Variants in GALNT14 observed in about 807,000 individuals in gnomAD.
GALNT14 encodes the protein polypeptide N-acetylgalactosaminyltransferase 14.
Under a neutral mutation model 77.5 loss-of-function variants are expected in GALNT14, and 60 were observed. The ratio of observed to expected loss-of-function variants is 0.77; its 90% confidence interval spans 0.63 to 0.96. The LOEUF is 0.96. Ranked by LOEUF, GALNT14 falls within the 40% of genes least tolerant of loss-of-function variation. The pLI, the probability that GALNT14 is intolerant of heterozygous loss-of-function variation, is 0.00. For missense variants in GALNT14, 710 were observed against 731.0 expected (o/e 0.97, Z 0.33); for synonymous variants, 280 against 281.7 (o/e 0.99, Z 0.06).
At chr2:31,012,614 G>A (rs1331377361) in intron 1 of GALNT14, among the ~76,000 whole-genome samples, 1 of 152,062 alleles carries the variant, frequency 6.6e-6, no homozygotes, top group Non-Finnish European at 1.5e-5. Context: ...GCTCAGACAT[G>A]GTGAAAAAAG....
chr2:30,899,600 T>C, the GALNT14 span, among the ~76,000 whole-genome samples: 5 of 152,006 alleles, frequency 3.3e-5, no homozygotes, highest in Non-Finnish European at 7.4e-5. Flanking sequence ...TCTTTCTTCC[T>C]TCATTATGTT....
chr2:31,071,541 A>G (rs759220282), intron 1 of GALNT14, among the ~76,000 whole-genome samples: 1 of 151,268 alleles, frequency 6.6e-6, no homozygotes, highest in African/African-American at 2.4e-5. Flanking sequence ...GCAGGGCTCC[A>G]CACAGCCAGA....
chr2:31,086,074 G>C (rs1430503945), intron 1 of GALNT14, among the ~76,000 whole-genome samples: 13 of 152,212 alleles, frequency 8.5e-5, no homozygotes, highest in Admixed American at 8.5e-4. Flanking sequence ...CCTATGACAT[G>C]TGGGGATTAT....
intron 1 of GALNT14, among the ~76,000 whole-genome samples, chr2:31,010,830 C>T (rs1670981761): frequency 6.6e-6 from 1 of 152,200 alleles, no homozygotes; most frequent in Non-Finnish European, 1.5e-5. Flanking sequence ...CATCTCATCC[C>T]ATCTCATAGG....
intron 2 of GALNT14, among the ~76,000 whole-genome samples, chr2:30,974,688 G>A (rs1668538881): frequency 1.3e-5 from 2 of 152,166 alleles, no homozygotes; most frequent in South Asian, 4.1e-4. Context: ...AGTCTCCCAA[G>A]GCTTTTCCAA....
the GALNT14 span, among the ~76,000 whole-genome samples, chr2:30,897,801 G>T: frequency 3.9e-5 from 6 of 152,180 alleles, no homozygotes; most frequent in Admixed American, 3.9e-4. Context: ...ACCAGCAGGG[G>T]ACACCATTCC....
intron 1 of GALNT14, among the ~76,000 whole-genome samples, chr2:31,059,876 T>C (rs1381863147): frequency 6.6e-6 from 1 of 152,202 alleles, no homozygotes; most frequent in Admixed American, 6.5e-5. Context: ...GAGCAGTACT[T>C]CTGCTGTTTA....
chr2:31,115,804 G>A (rs573430429), intron 1 of GALNT14, among the ~76,000 whole-genome samples: 48 of 152,322 alleles, frequency 3.2e-4, no homozygotes, highest in African/African-American at 1.1e-3. Context: ...CGCCTGTGAG[G>A]CAGGAGGATC....
chr2:30,908,274 C>T (rs1229761660), downstream of GALNT14, among the ~76,000 whole-genome samples: 1 of 152,112 alleles, frequency 6.6e-6, no homozygotes, highest in Non-Finnish European at 1.5e-5. Flanking sequence ...TCAAATTGTC[C>T]CTGTTTGCAG....
At chr2:30,888,912 C>G in the GALNT14 span, among the ~76,000 whole-genome samples, 1,114 of 152,038 alleles carry the variant, frequency 7.3e-3, 19 homozygotes, top group African/African-American at 0.025. Flanking sequence ...ATTGTCCCCC[C>G]CTCCACCCCC....
chr2:30,956,011 C>T, intron 4 of GALNT14, 34 bp from the exon 5 acceptor site: 1 of 1,609,614 alleles, frequency 6.2e-7, no homozygotes. Flanking sequence ...AATTGAGCGC[C>T]CAGGGATGGA....
chr2:30,950,920 G>T (rs1666987248), intron 6 of GALNT14, among the ~76,000 whole-genome samples: 1 of 152,182 alleles, frequency 6.6e-6, no homozygotes, highest in African/African-American at 2.4e-5. Flanking sequence ...TGGGACCACT[G>T]GGATGGAAAG....
intron 1 of GALNT14, among the ~76,000 whole-genome samples, chr2:31,002,573 T>A (rs1020108697): frequency 2.6e-5 from 4 of 152,128 alleles, no homozygotes; most frequent in Non-Finnish European, 4.4e-5. Flanking sequence ...AATACAAAAG[T>A]ATCTGCTTAC....
intron 2 of GALNT14, among the ~76,000 whole-genome samples, chr2:30,986,268 G>C (rs998290264): frequency 1.3e-5 from 2 of 152,224 alleles, no homozygotes; most frequent in Non-Finnish European, 2.9e-5. Context: ...TCCCCGGCTA[G>C]AGTTTCCAGC....
chr2:30,946,087 T>C (rs958778815), intron 6 of GALNT14, among the ~76,000 whole-genome samples: 1 of 152,152 alleles, frequency 6.6e-6, no homozygotes, highest in African/African-American at 2.4e-5. Context: ...AGGTTTTCCT[T>C]GACTGCTGGG....
At chr2:30,988,994 C>A (rs551558006) in intron 2 of GALNT14, among the ~76,000 whole-genome samples, 1 of 152,228 alleles carries the variant, frequency 6.6e-6, no homozygotes, top group East Asian at 1.9e-4. Flanking sequence ...TGTGGACTCA[C>A]GGGCCCCATC....
At chr2:31,034,392 T>G (rs1432159034) in intron 1 of GALNT14, among the ~76,000 whole-genome samples, 2 of 152,202 alleles carry the variant, frequency 1.3e-5, no homozygotes, top group Non-Finnish European at 2.9e-5. Context: ...AGGAGAAAGT[T>G]TCAATGTCTC....
chr2:30,993,136 A>G, intron 1 of GALNT14, 129 bp from the exon 2 acceptor site: 1 of 874,990 alleles, frequency 1.1e-6, no homozygotes, highest in Non-Finnish European at 1.8e-6. Flanking sequence ...ATGGGGTCAG[A>G]AGCAGAACAT....
chr2:30,942,162 T>C lies in GALNT14; in HGVS notation c.931+39A>G, dbSNP rs138015753. The C allele has an allele frequency of 1.0e-4, 153 of 1,457,156 alleles. 1 individual carries two copies. The highest frequency in any genetic ancestry group is 1.3e-4 in the Non-Finnish European group (132 of 1,038,592). 90.3% of individuals were successfully genotyped at this position (1,457,156 alleles called of 1,614,324 possible). A position where few individuals can be genotyped will look rare whatever the true frequency, so the allele number is the denominator to read the frequency against. ...TCCCCGCCCCAATCCCCAGGGTGTA[T>C]AGAACAGCATAGGTCAGGATGCAGA... On this transcript the variant is annotated intron_variant, in intron 9 of 14. Coordinates refer to ENST00000349752, the MANE Select transcript of GALNT14 (RefSeq NM_024572.4).
Sources: allele counts gnomAD v4.1 joint callset (sites outside exome capture counted in the v4.1 genomes callset), GRCh38; gene constraint gnomAD v4.1.1; transcripts MANE v1.5; gene names NCBI Gene and HGNC (gene_info 2026-07-23, HGNC 2026-07-21).